Variants in R3HCC1L observed in about 807,000 individuals in gnomAD.
The protein encoded by R3HCC1L is coiled-coil domain-containing protein R3HCC1L.
In R3HCC1L, 51 loss-of-function variants were observed where a neutral mutation model predicts 59.9. That is an observed-to-expected ratio of 0.85 (90% CI 0.68 to 1.07). The LOEUF (loss-of-function observed/expected upper bound fraction) is 1.07, where lower values mean the gene tolerates loss of function less well. Ranked by LOEUF, R3HCC1L falls within the 50% of genes least tolerant of loss-of-function variation. R3HCC1L has a pLI of 0.00. For synonymous variants in R3HCC1L, 322 were observed against 315.2 expected (o/e 1.02, Z -0.23); for missense variants, 965 against 933.0 (o/e 1.03, Z -0.45).
At chr10:98,194,410 A>T (rs11189508) in intron 4 of R3HCC1L, among the ~76,000 whole-genome samples, 19,307 of 152,142 alleles carry the variant, frequency 0.13, 1,276 homozygotes, top group Middle Eastern at 0.17. Context: ...TGCATATGAC[A>T]TCAAAAGCAC....
intron 2 of R3HCC1L, among the ~76,000 whole-genome samples, chr10:98,157,136 C>T (rs1419757172): frequency 2.0e-5 from 3 of 151,870 alleles, no homozygotes; most frequent in Admixed American, 2.0e-4. Context: ...AATGTGAACC[C>T]TCTTCTTTCA....
At chr10:98,164,338 A>G (rs1185404563) in intron 4 of R3HCC1L, among the ~76,000 whole-genome samples, 1 of 152,084 alleles carries the variant, frequency 6.6e-6, no homozygotes, top group African/African-American at 2.4e-5. Flanking sequence ...ATAGGCACAG[A>G]AAAAAGAGAG....
intron 1 of R3HCC1L, among the ~76,000 whole-genome samples, chr10:98,150,831 G>C (rs933902171): frequency 1.3e-5 from 2 of 152,170 alleles, no homozygotes; most frequent in African/African-American, 4.8e-5. Flanking sequence ...GTCTCTGGCT[G>C]TCCTCAGGGA....
intron 4 of R3HCC1L, chr10:98,186,456 G>GT (rs1384972363): frequency 9.6e-6 from 9 of 934,596 alleles, no homozygotes; most frequent in African/African-American, 1.8e-5. Flanking sequence ...TAATTTCCTT[G>GT]TTTTTTCCAG....
rs762893956 is a variant in R3HCC1L at position 98,235,469 on chromosome 10, C to G, written c.2077C>G (p.Pro693Ala). The G allele has an allele frequency of 8.1e-6, 13 of 1,613,782 alleles. No individual in the cohort carries two copies. Among genetic ancestry groups the G allele is most frequent in the Non-Finnish European group, 1.1e-5 (13 of 1,179,820 alleles). ...TAAACACACCATGGTGAAGATTCGT[C>G]CCTTGTCACAGGCCACAAGAGCAGC... ...GIKHTMVKIR[P>A]LSQATRAAKA... Residue 693 changes from proline to alanine, a missense_variant, in exon 8 of 10, where the codon CCC becomes GCC. Transcript: ENST00000298999.
At chr10:98,230,460 T>C (rs1420044793) in intron 5 of R3HCC1L, among the ~76,000 whole-genome samples, 4 of 152,174 alleles carry the variant, frequency 2.6e-5, no homozygotes, top group Non-Finnish European at 1.5e-5. Context: ...GTCTATTTGA[T>C]TCTTCTCTCT....
intron 4 of R3HCC1L, among the ~76,000 whole-genome samples, chr10:98,177,666 A>G (rs1202265032): frequency 6.6e-6 from 1 of 152,024 alleles, no homozygotes; most frequent in African/African-American, 2.4e-5. Context: ...AAGTGTTCCT[A>G]TTTCTCCACA....
intron 9 of R3HCC1L, among the ~76,000 whole-genome samples, chr10:98,241,214 CA>C (rs1590858620): frequency 6.6e-6 from 1 of 152,128 alleles, no homozygotes; most frequent in East Asian, 1.9e-4. Flanking sequence ...GCGTTCTTCA[CA>C]AAGCATGTTG....
intron 4 of R3HCC1L, among the ~76,000 whole-genome samples, chr10:98,172,151 G>A (rs180749707): frequency 6.6e-6 from 1 of 152,210 alleles, no homozygotes; most frequent in East Asian, 1.9e-4. Flanking sequence ...ACAAACTCTA[G>A]GTTGTTTGAT....
chr10:98,240,532 C>T (rs966435730), intron 9 of R3HCC1L, among the ~76,000 whole-genome samples: 13 of 152,224 alleles, frequency 8.5e-5, no homozygotes, highest in Non-Finnish European at 1.2e-4. Flanking sequence ...GAAAGGCCAT[C>T]TTTTGGGTCA....
At chr10:98,224,727 AATAG>A (rs1000516067) in intron 5 of R3HCC1L, among the ~76,000 whole-genome samples, 4 of 152,258 alleles carry the variant, frequency 2.6e-5, no homozygotes, top group African/African-American at 9.6e-5. Flanking sequence ...CTTGGTCTAT[AATAG>A]ATAGATCAGA....
At chr10:98,198,889 A>G (rs1471287558) in intron 4 of R3HCC1L, among the ~76,000 whole-genome samples, 2 of 152,188 alleles carry the variant, frequency 1.3e-5, no homozygotes, top group Non-Finnish European at 2.9e-5. Context: ...AATGTGGACC[A>G]CAAATGTGAA....
chr10:98,224,535 A>T (rs2135517945), intron 5 of R3HCC1L, among the ~76,000 whole-genome samples: 1 of 152,214 alleles, frequency 6.6e-6, no homozygotes, highest in East Asian at 1.9e-4. Context: ...CAAACCCTTT[A>T]TTTCGGGAAG....
intron 1 of R3HCC1L, among the ~76,000 whole-genome samples, chr10:98,142,848 T>G (rs766476598): frequency 2.6e-5 from 4 of 152,012 alleles, no homozygotes; most frequent in Non-Finnish European, 5.9e-5. Context: ...GGCAGGAGAA[T>G]CGTTTGAACC....
chr10:98,230,087 T>C (rs1482078935), intron 5 of R3HCC1L, among the ~76,000 whole-genome samples: 1 of 152,214 alleles, frequency 6.6e-6, no homozygotes, highest in Non-Finnish European at 1.5e-5. Flanking sequence ...AGGATGATGC[T>C]GGCCTCATAA....
At chr10:98,164,657 T>C (rs1339690303) in intron 4 of R3HCC1L, among the ~76,000 whole-genome samples, 1 of 152,192 alleles carries the variant, frequency 6.6e-6, no homozygotes, top group Non-Finnish European at 1.5e-5. Flanking sequence ...CACACTGTGC[T>C]GTCCCACAAG....
At chr10:98,154,869 T>G (rs773877028) in intron 1 of R3HCC1L, among the ~76,000 whole-genome samples, 1 of 152,240 alleles carries the variant, frequency 6.6e-6, no homozygotes, top group Non-Finnish European at 1.5e-5. Flanking sequence ...TAGGATGTAA[T>G]CTCTTCATGA....
intron 6 of R3HCC1L, among the ~76,000 whole-genome samples, chr10:98,232,745 G>A (rs1856532619): frequency 6.6e-6 from 1 of 152,162 alleles, no homozygotes. Context: ...TTTTCTTAAA[G>A]GATAAGTAAA....
chr10:98,241,559 A>G lies in R3HCC1L; in HGVS notation c.2270-2532A>G, dbSNP rs114456137. Among the ~76,000 whole-genome samples the G allele has an allele frequency of 4.3e-3, 649 of 152,214 alleles. 8 individuals carry two copies. Among genetic ancestry groups the G allele is most frequent in the African/African-American group, 0.015 (607 of 41,538 alleles). ...TTCTTAATTCCTTGCCCTTGTGTCTACTGTTGGGCTTTCTCTTTATTCTTT... is the reference window on the plus strand; with the variant it reads ...TTCTTAATTCCTTGCCCTTGTGTCTGCTGTTGGGCTTTCTCTTTATTCTTT... On this transcript the variant is annotated intron_variant, in intron 9 of 9. Transcript: ENST00000298999.
Sources: gnomAD v4.1 joint callset for allele counts (sites outside exome capture counted in the v4.1 genomes callset) on GRCh38, gnomAD v4.1.1 for gene constraint, MANE v1.5 for transcripts, NCBI Gene and HGNC (gene_info 2026-07-23, HGNC 2026-07-21) for gene names.